ARMH3: variants seen among roughly 807,000 people sequenced by gnomAD.
The protein encoded by ARMH3 is armadillo-like helical domain-containing protein 3.
Under a neutral mutation model 99.1 loss-of-function variants are expected in ARMH3, and 60 were observed. The ratio of observed to expected loss-of-function variants is 0.61; its 90% confidence interval spans 0.49 to 0.75. The LOEUF (loss-of-function observed/expected upper bound fraction) is 0.75. ARMH3 is among the 30% of genes least tolerant of loss of function. ARMH3 has a pLI of 0.00. For missense variants in ARMH3, 679 were observed against 843.1 expected, an observed-to-expected ratio of 0.81 and a Z score of 2.41; for synonymous variants, 285 against 292.8, an observed-to-expected ratio of 0.97 and a Z score of 0.27.
At chr10:102,039,077 G>T (rs984899682) in intron 2 of ARMH3, among the ~76,000 whole-genome samples, 2 of 151,570 alleles carry the variant, frequency 1.3e-5, no homozygotes, top group African/African-American at 2.4e-5. Flanking sequence ...TACTTTATGC[G>T]TACTACTTAT....
chr10:101,922,295 T>G (rs1397804095), intron 23 of ARMH3, among the ~76,000 whole-genome samples: 1 of 152,180 alleles, frequency 6.6e-6, no homozygotes, highest in Admixed American at 6.5e-5. Flanking sequence ...CAGGCTGGAG[T>G]GCAGTGGCAC....
At chr10:101,870,403 T>G (rs994984317) in intron 24 of ARMH3, among the ~76,000 whole-genome samples, 2 of 152,158 alleles carry the variant, frequency 1.3e-5, no homozygotes, top group Non-Finnish European at 2.9e-5. Flanking sequence ...ATATATGCAT[T>G]TTACTTTGAA....
At chr10:102,023,439 T>C (rs753747898) in intron 8 of ARMH3, 38 bp downstream of exon 8, 5 of 1,560,724 alleles carry the variant, frequency 3.2e-6, no homozygotes, top group Non-Finnish European at 4.4e-6. Flanking sequence ...AAGAAGATTA[T>C]AGGCAGATAA....
At chr10:102,041,075 C>CATATATATATATATAATAT (rs1554897210) in intron 1 of ARMH3, among the ~76,000 whole-genome samples, 30 of 131,982 alleles carry the variant, frequency 2.3e-4, no homozygotes, top group Non-Finnish European at 2.9e-4. Flanking sequence ...ATTGTGTGTA[C>CATATATATATATATAATAT]ATATATATAT....
intron 23 of ARMH3, among the ~76,000 whole-genome samples, chr10:101,918,393 C>G (rs1843172137): frequency 6.6e-6 from 1 of 152,166 alleles, no homozygotes; most frequent in Non-Finnish European, 1.5e-5. Flanking sequence ...GAAAACCAAA[C>G]AGAGCTTTCC....
At chr10:101,884,802 A>AC (rs1554853725) in intron 24 of ARMH3, among the ~76,000 whole-genome samples, 5 of 151,904 alleles carry the variant, frequency 3.3e-5, no homozygotes, top group African/African-American at 4.8e-5. Context: ...ACAAAAAAAA[A>AC]CAGGCAAATT....
At chr10:102,018,928 T>C (rs1010944552) in intron 8 of ARMH3, among the ~76,000 whole-genome samples, 1 of 151,710 alleles carries the variant, frequency 6.6e-6, no homozygotes, top group Non-Finnish European at 1.5e-5. Flanking sequence ...TTGCACTCCA[T>C]CCTGGGCAAC....
At chr10:101,912,273 A>G (rs1842899545) in intron 23 of ARMH3, among the ~76,000 whole-genome samples, 2 of 151,420 alleles carry the variant, frequency 1.3e-5, no homozygotes, top group African/African-American at 4.9e-5. Flanking sequence ...GGCGCTTGTA[A>G]TTCCAGCTAC....
At chr10:102,033,231 G>A (rs2067175239) in intron 3 of ARMH3, 52 bp downstream of exon 3, 10 of 1,613,366 alleles carry the variant, frequency 6.2e-6, no homozygotes, top group East Asian at 2.2e-5. Flanking sequence ...TAGAATATAT[G>A]AGAAGGCAAT....
intron 23 of ARMH3, among the ~76,000 whole-genome samples, chr10:101,914,951 G>A (rs1736981880): frequency 6.7e-6 from 1 of 149,824 alleles, no homozygotes; most frequent in Admixed American, 6.7e-5. Context: ...ATTTTTACAA[G>A]GTTAATTACA....
chr10:101,993,150 A>G (rs1394413563), intron 17 of ARMH3, among the ~76,000 whole-genome samples: 1 of 151,858 alleles, frequency 6.6e-6, no homozygotes, highest in Non-Finnish European at 1.5e-5. Context: ...AGCCACCTGT[A>G]ATCCCAGCTA....
At chr10:101,894,501 C>T (rs1212738722) in intron 23 of ARMH3, among the ~76,000 whole-genome samples, 1 of 152,224 alleles carries the variant, frequency 6.6e-6, no homozygotes. Context: ...CCAGGCTCAC[C>T]TGGGTTGTGA....
chr10:102,001,876 T>A (rs2066369212), intron 15 of ARMH3, 95 bp downstream of exon 15: 4 of 1,145,602 alleles, frequency 3.5e-6, no homozygotes, highest in Non-Finnish European at 3.9e-6. Flanking sequence ...CAATAGTTCA[T>A]CTTGTCAAAG....
At chr10:101,913,658 A>C (rs1379710523) in intron 23 of ARMH3, among the ~76,000 whole-genome samples, 1 of 152,128 alleles carries the variant, frequency 6.6e-6, no homozygotes, top group Non-Finnish European at 1.5e-5. Flanking sequence ...AAGCCACTGC[A>C]CCAGGCCCAC....
At chr10:101,994,863 C>T (rs559512351) in intron 16 of ARMH3, among the ~76,000 whole-genome samples, 1 of 152,274 alleles carries the variant, frequency 6.6e-6, no homozygotes, top group African/African-American at 2.4e-5. Flanking sequence ...ATGGCAAAAC[C>T]CCATCTCTAC....
intron 23 of ARMH3, among the ~76,000 whole-genome samples, 173 bp downstream of exon 23, chr10:101,939,690 T>C (rs1844151375): frequency 6.6e-6 from 1 of 152,186 alleles, no homozygotes; most frequent in South Asian, 2.1e-4. Context: ...TATGATAAAA[T>C]AAAAGCCTCG....
intron 23 of ARMH3, chr10:101,913,361 C>CTCTCTCTCT (rs57213877): frequency 1.0e-4 from 7 of 70,292 alleles, no homozygotes; most frequent in South Asian, 5.4e-4. Flanking sequence ...CTCTCTCTCT[C>CTCTCTCTCT]TTTTTTTTTT....
At chr10:102,046,864 G>A (rs1454802808) in intron 1 of ARMH3, among the ~76,000 whole-genome samples, 2 of 152,140 alleles carry the variant, frequency 1.3e-5, no homozygotes, top group Non-Finnish European at 2.9e-5. Flanking sequence ...GTGAGTAAGG[G>A]GGAGTATGTA....
intron 19 of ARMH3, among the ~76,000 whole-genome samples, chr10:101,985,245 CGT>C (rs538047956): frequency 2.8e-5 from 4 of 143,038 alleles, no homozygotes; most frequent in South Asian, 4.4e-4. Context: ...TGTATATATA[CGT>C]GTGTATATAT....
Sources: allele counts gnomAD v4.1 joint callset (sites outside exome capture counted in the v4.1 genomes callset), GRCh38; gene constraint gnomAD v4.1.1; transcripts MANE v1.5; gene names NCBI Gene and HGNC (gene_info 2026-07-23, HGNC 2026-07-21).